Variants in ELL2 observed in about 807,000 individuals in gnomAD.
ELL2 encodes the protein RNA polymerase II elongation factor ELL2.
In ELL2, 21 loss-of-function variants were observed where a neutral mutation model predicts 72.8. The ratio of observed to expected loss-of-function variants is 0.29; its 90% CI spans 0.20 to 0.42. The LOEUF is 0.42. ELL2 is among the 10% of genes least tolerant of loss of function. The pLI, the probability that ELL2 is intolerant of heterozygous loss-of-function variation, is 1.00. For missense variants in ELL2, 568 were observed against 772.8 expected (o/e 0.73, Z 3.14); for synonymous variants, 266 against 283.2 (o/e 0.94, Z 0.61).
In ELL2 at chr5:95,885,830, A is replaced by AAAC. The variant is rs1200376821; in HGVS notation, c.*3038_*3040dup. Reference sequence around the variant, plus strand: ...TAACAATTTTGTGAGAACAAGTATAAAACTATCCATTACTACCTTAAAGAG... The same window carrying AAAC: ...TAACAATTTTGTGAGAACAAGTATAAAACAACTATCCATTACTACCTTAAAGAG... On this transcript the variant is annotated 3_prime_UTR_variant, in exon 12 of 12. Transcript: ENST00000237853. 1 of 152,182 alleles carries AAAC rather than the reference A, an allele frequency of 6.6e-6. No individual in the cohort carries two copies. Among genetic ancestry groups the AAAC allele is most frequent in the Non-Finnish European group, 1.5e-5 (1 of 68,042 alleles). The allele number at this position is 152,182 out of a possible 1,614,324, so 9.4% of individuals were successfully genotyped here.
intron 2 of ELL2, among the ~76,000 whole-genome samples, chr5:95,921,411 T>G (rs143133969): frequency 3.6e-4 from 55 of 152,306 alleles, no homozygotes; most frequent in African/African-American, 1.2e-3. Context: ...GGCACAAGTT[T>G]CTGTGTTTTT....
chr5:95,903,757 C>T (rs1749238485), intron 5 of ELL2, among the ~76,000 whole-genome samples: 1 of 152,182 alleles, frequency 6.6e-6, no homozygotes, highest in Non-Finnish European at 1.5e-5. Flanking sequence ...ATATAACTAT[C>T]TACTGACATC....
chr5:95,961,596 G>C lies in ELL2; in HGVS notation c.126C>G (p.Leu42=). The part of the protein sequence containing the change: ...VKLTETAIRA[L]ETYQSHKNLI... Reference sequence around the variant, plus strand: ...TCACCTTGTGGCTCTGGTAAGTCTCGAGCGCCCGGATCGCCGTCTCGGTGA... The same window carrying C: ...TCACCTTGTGGCTCTGGTAAGTCTCCAGCGCCCGGATCGCCGTCTCGGTGA... Residue 42 remains leucine, a synonymous_variant, in exon 1 of 12, where the codon CTC becomes CTG. Transcript: ENST00000237853. The C allele has an allele frequency of 1.2e-6, 2 of 1,603,776 alleles. No homozygotes were observed. The highest frequency in any genetic ancestry group is 2.7e-5 in the African/African-American group (2 of 73,356).
chr5:95,900,586 G>T, intron 7 of ELL2, 107 bp downstream of exon 7: 1 of 819,140 alleles, frequency 1.2e-6, no homozygotes, highest in Non-Finnish European at 1.8e-6. Flanking sequence ...GGGCAGGCAA[G>T]CTGTCCAGCT....
chr5:95,961,505 C>T, intron 1 of ELL2, 70 bp downstream of exon 1: 1 of 1,374,126 alleles, frequency 7.3e-7, no homozygotes, highest in Non-Finnish European at 9.4e-7. Context: ...GGCCCCGCAC[C>T]CGGGCGCGGC....
chr5:95,927,537 GTATATAGACATACACACACACGTGTGTA>G (rs1750383627), intron 2 of ELL2, among the ~76,000 whole-genome samples: 1 of 29,388 alleles, frequency 3.4e-5, no homozygotes, highest in Non-Finnish European at 5.5e-5. Flanking sequence ...ACACACGTGT[GTATATAGACATACACACACACGTGTGTA>G]TATAGACATA....
intron 2 of ELL2, among the ~76,000 whole-genome samples, chr5:95,925,116 CT>C: frequency 6.6e-6 from 1 of 152,266 alleles, no homozygotes; most frequent in Non-Finnish European, 1.5e-5. Context: ...CAAGGGTTTT[CT>C]TCATTTATTT....
intron 2 of ELL2, among the ~76,000 whole-genome samples, chr5:95,939,434 A>T (rs1750892416): frequency 6.6e-6 from 1 of 152,256 alleles, no homozygotes; most frequent in Non-Finnish European, 1.5e-5. Context: ...GAATGTTTGC[A>T]CAGTGAATAA....
intron 2 of ELL2, among the ~76,000 whole-genome samples, chr5:95,927,747 A>G (rs1296340443): frequency 1.3e-5 from 1 of 79,812 alleles, no homozygotes. Flanking sequence ...ACACACACAT[A>G]TGTGTGTATA....
chr5:95,892,405 C>T (rs968536569), intron 9 of ELL2, among the ~76,000 whole-genome samples: 2 of 152,174 alleles, frequency 1.3e-5, no homozygotes, highest in African/African-American at 2.4e-5. Flanking sequence ...CCTTGGCCTC[C>T]CAAAGTGCTA....
chr5:95,929,620 A>G (rs1750524010), intron 2 of ELL2, among the ~76,000 whole-genome samples: 1 of 152,138 alleles, frequency 6.6e-6, no homozygotes. Context: ...AATATTTGTT[A>G]GATTTATCTG....
intron 2 of ELL2, among the ~76,000 whole-genome samples, chr5:95,932,032 T>C (rs902602821): frequency 2.0e-5 from 3 of 150,570 alleles, no homozygotes; most frequent in Admixed American, 2.0e-4. Context: ...ACCAAACATA[T>C]AGTATTTTAA....
At chr5:95,890,085 T>C (rs1033287592) in intron 10 of ELL2, among the ~76,000 whole-genome samples, 1 of 152,172 alleles carries the variant, frequency 6.6e-6, no homozygotes, top group African/African-American at 2.4e-5. Flanking sequence ...TAACCACTCC[T>C]AACCAAGTAA....
At chr5:95,948,454 G>A (rs1428402859) in intron 1 of ELL2, among the ~76,000 whole-genome samples, 292 of 77,302 alleles carry the variant, frequency 3.8e-3, no homozygotes, top group East Asian at 0.011. Flanking sequence ...AAAAAAAAAA[G>A]CCACAGGAAG....
intron 1 of ELL2, among the ~76,000 whole-genome samples, chr5:95,944,619 T>C (rs1321470042): frequency 6.6e-6 from 1 of 152,260 alleles, no homozygotes; most frequent in Non-Finnish European, 1.5e-5. Flanking sequence ...CCTGAAGTAA[T>C]GAAAGCATGC....
intron 1 of ELL2, among the ~76,000 whole-genome samples, chr5:95,948,135 T>TTC: frequency 6.6e-6 from 1 of 152,154 alleles, no homozygotes; most frequent in African/African-American, 2.4e-5. Context: ...AGCTCTTGAA[T>TTC]GTTTTTAAAA....
chr5:95,943,884 T>C (rs2112349991), intron 1 of ELL2, among the ~76,000 whole-genome samples: 1 of 152,376 alleles, frequency 6.6e-6, no homozygotes, highest in South Asian at 2.1e-4. Context: ...CATGATTTCC[T>C]GTATTCAAAG....
chr5:95,916,178 T>G (rs932106946), intron 3 of ELL2, among the ~76,000 whole-genome samples: 3 of 151,828 alleles, frequency 2.0e-5, no homozygotes, highest in Non-Finnish European at 4.4e-5. Flanking sequence ...TTAGCCACAC[T>G]CAGAGAGAGG....
At chr5:95,912,400 G>A (rs560583894) in intron 4 of ELL2, among the ~76,000 whole-genome samples, 7 of 152,224 alleles carry the variant, frequency 4.6e-5, no homozygotes, top group East Asian at 1.9e-4. Context: ...TTGCCTCACT[G>A]TTTATAAAAT....
Sources: allele counts gnomAD v4.1 joint callset (sites outside exome capture counted in the v4.1 genomes callset), GRCh38; gene constraint gnomAD v4.1.1; transcripts MANE v1.5; gene names NCBI Gene and HGNC (gene_info 2026-07-23, HGNC 2026-07-21).